COLEC11: variants seen among roughly 807,000 people sequenced by gnomAD.
COLEC11 encodes the protein collectin subfamily member 11, also known as collectin-11.
Under a neutral mutation model 27.3 loss-of-function variants are expected in COLEC11, and 20 were observed. That is an observed-to-expected ratio of 0.73 (90% CI 0.51 to 1.06). The LOEUF (loss-of-function observed/expected upper bound fraction) is 1.06. Ranked by LOEUF, COLEC11 falls within the 50% of genes least tolerant of loss-of-function variation. The pLI is 0.00. For synonymous variants in COLEC11, 163 were observed against 154.7 expected, an observed-to-expected ratio of 1.05 and a Z score of -0.40; for missense variants, 310 against 383.0, an observed-to-expected ratio of 0.81 and a Z score of 1.59.
intron 3 of COLEC11, chr2:3,617,740 A>G: frequency 7.3e-7 from 1 of 1,361,406 alleles, no homozygotes; most frequent in Non-Finnish European, 1.0e-6. Flanking sequence ...TGGTCTGCGC[A>G]GTGGCCACCA....
At chr2:3,635,714 G>C (rs1458825955) in intron 3 of COLEC11, among the ~76,000 whole-genome samples, 3 of 152,198 alleles carry the variant, frequency 2.0e-5, no homozygotes, top group Non-Finnish European at 4.4e-5. Context: ...TGGCTGTCCA[G>C]CTCCAGCCTA....
At chr2:3,613,181 A>C in intron 2 of COLEC11, 130 bp from the exon 3 acceptor site, 4 of 915,026 alleles carry the variant, frequency 4.4e-6, no homozygotes, top group Non-Finnish European at 7.0e-6. Flanking sequence ...GGAGGGAGGT[A>C]GGGAGAGAAG....
chr2:3,596,065 G>A (rs1661816637), intron 1 of COLEC11, among the ~76,000 whole-genome samples: 1 of 152,198 alleles, frequency 6.6e-6, no homozygotes, highest in Non-Finnish European at 1.5e-5. Flanking sequence ...TTCTTACTCT[G>A]TGCTCTTGGT....
At chr2:3,603,654 A>G in intron 1 of COLEC11, 2 of 1,551,062 alleles carry the variant, frequency 1.3e-6, no homozygotes, top group Non-Finnish European at 1.7e-6. Flanking sequence ...CGATGAAGAA[A>G]CAAAGAGGTC....
intron 3 of COLEC11, chr2:3,626,051 A>G (rs1466142718): frequency 6.2e-7 from 1 of 1,614,176 alleles, no homozygotes; most frequent in Non-Finnish European, 8.5e-7. Context: ...GACATCTCCA[A>G]AAGGAAGTGC....
At chr2:3,643,402 T>G in intron 5 of COLEC11, 42 bp from the exon 6 acceptor site, 2 of 1,507,146 alleles carry the variant, frequency 1.3e-6, no homozygotes, top group Non-Finnish European at 1.8e-6. Flanking sequence ...TGAGTCCGAG[T>G]CCTCATCCAG....
intron 3 of COLEC11, among the ~76,000 whole-genome samples, chr2:3,636,412 G>T (rs577162862): frequency 6.6e-6 from 1 of 152,026 alleles, no homozygotes; most frequent in African/African-American, 2.4e-5. Context: ...CTGAGATTGC[G>T]CCACTGCACT....
intron 1 of COLEC11, 47 bp from the exon 2 acceptor site, chr2:3,604,268 C>T (rs780551478): frequency 6.2e-7 from 1 of 1,606,658 alleles, no homozygotes. Context: ...TCACTGGCTG[C>T]CCGGCTGTTG....
chr2:3,615,693 C>T (rs1663623153), intron 3 of COLEC11, among the ~76,000 whole-genome samples: 1 of 152,162 alleles, frequency 6.6e-6, no homozygotes. Flanking sequence ...AGAGGGGCTC[C>T]TCACTTCCCA....
chr2:3,636,512 T>TC (rs1466963223), intron 3 of COLEC11, among the ~76,000 whole-genome samples: 1 of 152,228 alleles, frequency 6.6e-6, no homozygotes, highest in Non-Finnish European at 1.5e-5. Context: ...ACATTGAATT[T>TC]CCCGCATTGA....
At chr2:3,601,612 T>TC (rs1034649659) in intron 1 of COLEC11, among the ~76,000 whole-genome samples, 119 of 152,268 alleles carry the variant, frequency 7.8e-4, no homozygotes, top group Middle Eastern at 3.4e-3. Flanking sequence ...GTACCTTTTT[T>TC]CCCCCGAGCC....
At position 3,644,339 on chromosome 2, in the gene COLEC11, C is replaced by G. The variant is rs934745308; in HGVS notation, c.*221C>G. Reference sequence around the variant, plus strand: ...CTCTGAAGAAGCAGAGTTTCATTACCTGTATTGTAGCCCCAATGTCATTAT... The same window carrying G: ...CTCTGAAGAAGCAGAGTTTCATTACGTGTATTGTAGCCCCAATGTCATTAT... On this transcript the variant is annotated 3_prime_UTR_variant, in exon 7 of 7. Transcript: ENST00000349077. 1.0e-5 allele frequency: 7 copies of G among 699,612 alleles called. No homozygotes were observed. The highest frequency in any genetic ancestry group is 1.8e-5 in the Non-Finnish European group (7 of 387,176). 43.3% of individuals were successfully genotyped at this position (699,612 alleles called of 1,614,324 possible).
chr2:3,603,811 G>A, intron 1 of COLEC11: 2 of 728,178 alleles, frequency 2.7e-6, no homozygotes, highest in Non-Finnish European at 4.7e-6. Context: ...CCAGGTGCCT[G>A]TCTCCTGCCA....
At chr2:3,635,575 C>A (rs1281528255) in intron 3 of COLEC11, among the ~76,000 whole-genome samples, 1 of 152,210 alleles carries the variant, frequency 6.6e-6, no homozygotes, top group Middle Eastern at 3.2e-3. Flanking sequence ...CCTTCCCTCG[C>A]ACGCACTGCA....
At chr2:3,606,205 C>T (rs1662683060) in intron 2 of COLEC11, 4 of 1,550,508 alleles carry the variant, frequency 2.6e-6, no homozygotes, top group East Asian at 4.9e-5. Flanking sequence ...TGGTGGGTGC[C>T]TCCGAGTCCC....
chr2:3,625,844 A>T (rs976279798), intron 3 of COLEC11, among the ~76,000 whole-genome samples: 1 of 152,014 alleles, frequency 6.6e-6, no homozygotes, highest in South Asian at 2.1e-4. Flanking sequence ...CATTGGCCAC[A>T]CTGGTCTTGA....
chr2:3,613,199 G>C (rs1572411543), intron 2 of COLEC11, 112 bp from the exon 3 acceptor site: 1 of 1,181,872 alleles, frequency 8.5e-7, no homozygotes, highest in East Asian at 2.6e-5. Context: ...AAGGGGCTTG[G>C]CCACCTGCAG....
At chr2:3,619,069 C>A (rs929100293) in intron 3 of COLEC11, among the ~76,000 whole-genome samples, 4 of 152,082 alleles carry the variant, frequency 2.6e-5, no homozygotes, top group Non-Finnish European at 5.9e-5. Flanking sequence ...TTAGTGGAGT[C>A]TTTAGGGTTT....
chr2:3,627,551 ACTGGGCATGATGACGGTCTGCAT>A (rs1664652085), intron 3 of COLEC11, among the ~76,000 whole-genome samples: 1 of 148,672 alleles, frequency 6.7e-6, no homozygotes, highest in African/African-American at 2.5e-5. Flanking sequence ...TGGGCATGAC[ACTGGGCATGATGACGGTCTGCAT>A]CTGGGCATGA....
Sources: allele counts gnomAD v4.1 joint callset (sites outside exome capture counted in the v4.1 genomes callset), GRCh38; gene constraint gnomAD v4.1.1; transcripts MANE v1.5; gene names NCBI Gene and HGNC (gene_info 2026-07-23, HGNC 2026-07-21).